DAB2IP: variants seen among roughly 807,000 people sequenced by gnomAD.
DAB2IP encodes disabled homolog 2-interacting protein.
A neutral mutation model predicts 107.2 loss-of-function variants in DAB2IP; 28 were observed. The ratio of observed to expected loss-of-function variants is 0.26; its 90% CI spans 0.19 to 0.36. The LOEUF is 0.36. Among genes scored for constraint, DAB2IP ranks in the 10% least tolerant of loss-of-function variants. The pLI, the probability that DAB2IP is intolerant of heterozygous loss-of-function variation, is 1.00. For synonymous variants in DAB2IP, 755 were observed against 706.4 expected (o/e 1.07, Z -1.09); for missense variants, 1,400 against 1,644.7 (o/e 0.85, Z 2.57).
Position 121,772,509 on chromosome 9 carries a change from C to A in DAB2IP, c.2079-98C>A. The A allele has an allele frequency of 1.5e-6, 2 of 1,367,168 alleles. No homozygotes were observed. The highest frequency in any genetic ancestry group is 2.0e-5 in the Admixed American group (1 of 49,926). The allele number at this position is 1,367,168 out of a possible 1,614,324, so 84.7% of individuals were successfully genotyped here. A position where few individuals can be genotyped will look rare whatever the true frequency, so the allele number is the denominator to read the frequency against. On this transcript the variant is annotated intron_variant, in intron 11 of 15. Transcript: ENST00000408936. This position sits in a 1 kb window ranked among gnomAD's most constrained non-coding sequence, Gnocchi z 4.7. Reference sequence around the variant, plus strand: ...AGCGCTGGCTCAGGCTGCCAGGCCCCGGCAGGTTGGCGGGTGCTGTCGGTT... The same window carrying A: ...AGCGCTGGCTCAGGCTGCCAGGCCCAGGCAGGTTGGCGGGTGCTGTCGGTT...
chr9:121,680,935 G>T (rs1828564134), intron 2 of DAB2IP, among the ~76,000 whole-genome samples: 1 of 151,880 alleles, frequency 6.6e-6, no homozygotes, highest in East Asian at 1.9e-4. Flanking sequence ...TAGAGACGGG[G>T]TTTCACCATG....
At chr9:121,682,836 T>C (rs2051053) in intron 2 of DAB2IP, among the ~76,000 whole-genome samples, 95,408 of 151,972 alleles carry the variant, frequency 0.63, 31,344 homozygotes, top group African/African-American at 0.83. Flanking sequence ...CTTTTCTGCC[T>C]ATCTGGGACA....
intron 1 of DAB2IP, among the ~76,000 whole-genome samples, chr9:121,578,135 C>T (rs1170289898): frequency 6.6e-6 from 1 of 152,076 alleles, no homozygotes; most frequent in African/African-American, 2.4e-5. Flanking sequence ...GTGGCTGTCC[C>T]CCAAACCCTT....
At chr9:121,718,634 ACT>A (rs1203840587) in intron 3 of DAB2IP, among the ~76,000 whole-genome samples, 4 of 152,210 alleles carry the variant, frequency 2.6e-5, no homozygotes, top group African/African-American at 9.7e-5. Flanking sequence ...AACTTAGCTA[ACT>A]CTGCAAAATG....
chr9:121,728,528 G>A lies in DAB2IP; in HGVS notation c.363-28485G>A, dbSNP rs138318800. On this transcript the variant is annotated intron_variant, in intron 3 of 15. Transcript: ENST00000408936. ...ATATGCCTGCCAATAGGGAACTCAC[G>A]GGTCTTATTAATGCTACTGAGATCC... is the stretch of plus-strand genomic sequence containing the variant. Among the ~76,000 whole-genome samples the A allele has an allele frequency of 7.2e-5, 11 of 152,258 alleles. 1 individual carries two copies. The East Asian group carries it at 1.9e-3, about 27-fold the overall frequency.
rs1467997535 is a variant in DAB2IP at position 121,678,847 on chromosome 9, CT to C, written c.228+67del. 16 of 1,388,610 alleles carry C rather than the reference CT, an allele frequency of 1.2e-5. No individual in the cohort carries two copies. In the African/African-American group the frequency reaches 2.1e-4, roughly 18 times the overall value. 86.0% of individuals were successfully genotyped at this position (1,388,610 alleles called of 1,614,324 possible). On this transcript the variant is annotated intron_variant, in intron 2 of 15. Coordinates refer to ENST00000408936, the Ensembl canonical transcript of DAB2IP. ...CATCACCACCTCGCCCGGGGTGCTG[CT>C]CTGTGACCCCACGGCCCCCCTTCCT...
intron 1 of DAB2IP, among the ~76,000 whole-genome samples, chr9:121,590,781 C>T (rs1157953421): frequency 6.6e-6 from 1 of 152,138 alleles, no homozygotes; most frequent in Non-Finnish European, 1.5e-5. Flanking sequence ...TCATTGAGCA[C>T]CTACTACATG....
chr9:121,774,365 C>G lies in DAB2IP; in HGVS notation c.3073C>G (p.His1025Asp), dbSNP rs138053639. 135 of 1,612,784 alleles carry G rather than the reference C, an allele frequency of 8.4e-5. No individual in the cohort carries two copies. Among genetic ancestry groups the G allele is most frequent in the Middle Eastern group, 3.3e-4 (2 of 6,078 alleles). The change falls in exon 13 of 16, where the codon CAC (histidine) becomes GAC (aspartate). Residue 1025 changes from histidine (H) to aspartate (D), a missense_variant. Physicochemically the swap from His to Asp is moderately conservative, Grantham distance 81 (BLOSUM62 -1). Around this residue, in one of 3 missense-constraint regions of DAB2IP, gnomAD observed 600 missense variants for 659.1 expected, o/e 0.91. Transcript: ENST00000408936. ...CGAGGGCCTGGGCCCAGACCCCCCC[C>G]ACAGGGATAGGCTAAGGAGTAAGGA...
In DAB2IP at chr9:121,641,909, CTT is replaced by C. The variant is rs747367164; in HGVS notation, c.41-36767_41-36766del. Among the ~76,000 whole-genome samples the C allele has an allele frequency of 6.6e-3, 865 of 131,532 alleles. 4 individuals carry two copies. Among genetic ancestry groups the C allele is most frequent in the African/African-American group, 0.023 (751 of 32,348 alleles). The allele number at this position is 131,532 out of a possible 152,430, so 86.3% of individuals were successfully genotyped here. On this transcript the variant is annotated intron_variant, in intron 1 of 16. Transcript: ENST00000259371. Reference sequence around the variant, plus strand: ...TTTCTTTCCCTTTCTTTCTTTCTTTCTTTCTTTCTTTCTTTCTTTCTTTCTTT... The same window carrying C: ...TTTCTTTCCCTTTCTTTCTTTCTTTCTCTTTCTTTCTTTCTTTCTTTCTTT...
intron 3 of DAB2IP, among the ~76,000 whole-genome samples, chr9:121,721,820 C>T (rs1830952354): frequency 6.6e-6 from 1 of 152,150 alleles, no homozygotes; most frequent in African/African-American, 2.4e-5. Flanking sequence ...CAAGGTCTTC[C>T]TGGGGAGGGG....
chr9:121,589,388 T>A (rs1452947669), intron 1 of DAB2IP, among the ~76,000 whole-genome samples: 1 of 152,176 alleles, frequency 6.6e-6, no homozygotes, highest in Non-Finnish European at 1.5e-5. Flanking sequence ...TGTTTCATGG[T>A]GCCATGTTTT....
At chr9:121,627,729 G>T (rs756635538) in intron 1 of DAB2IP, among the ~76,000 whole-genome samples, 13 of 152,168 alleles carry the variant, frequency 8.5e-5, no homozygotes, top group Non-Finnish European at 1.3e-4. Context: ...TTTTCTCAGT[G>T]CTGCCTTGCA....
In DAB2IP at chr9:121,782,510, A is replaced by G; in HGVS notation, c.*12A>G. 6.2e-7 allele frequency: 1 copy of G among 1,612,674 alleles called. No individual in the cohort carries two copies. The highest frequency in any genetic ancestry group is 1.1e-5 in the South Asian group (1 of 90,984). ...GCAGCAATTGTTAACCTGCCTGAGG[A>G]GGGAGGAAGCTACCCAAGGAGAGGG... On this transcript the variant is annotated 3_prime_UTR_variant, in exon 16 of 16. Coordinates refer to ENST00000408936, the Ensembl canonical transcript of DAB2IP. This position sits in a 1 kb window ranked among gnomAD's most constrained non-coding sequence, Gnocchi z 6.1.
intron 2 of DAB2IP, among the ~76,000 whole-genome samples, chr9:121,685,120 G>A (rs1828803769): frequency 6.6e-6 from 1 of 152,168 alleles, no homozygotes; most frequent in Non-Finnish European, 1.5e-5. Flanking sequence ...GGTGGTGGAA[G>A]AGCAAACCCT....
At chr9:121,593,719 G>A (rs1304314223) in intron 1 of DAB2IP, among the ~76,000 whole-genome samples, 2 of 137,398 alleles carry the variant, frequency 1.5e-5, no homozygotes, top group Non-Finnish European at 3.0e-5. Flanking sequence ...CCAGGCTGGA[G>A]TGCAGTGGCA....
At chr9:121,678,739 C>A in exon 2 of DAB2IP, 2 of 1,599,768 alleles carry the variant, frequency 1.3e-6, no homozygotes, top group Non-Finnish European at 1.7e-6. Flanking sequence ...CCGAGAAGAG[C>A]CCCAGCATGG....
intron 1 of DAB2IP, among the ~76,000 whole-genome samples, chr9:121,642,022 TCTCTCTC>T (rs1832352461): frequency 1.5e-4 from 5 of 33,620 alleles, no homozygotes; most frequent in African/African-American, 5.4e-4. Context: ...TCTCTCTCTC[TCTCTCTC>T]TCTTTCTTTC....
At chr9:121,783,368 C>T in exon 16 of DAB2IP, 4 of 1,508,916 alleles carry the variant, frequency 2.7e-6, no homozygotes, top group Admixed American at 2.1e-5. Flanking sequence ...TATCTGCCTT[C>T]TCCTGGGGCC....
At chr9:121,585,459 T>C (rs1380230155) in intron 1 of DAB2IP, among the ~76,000 whole-genome samples, 2 of 152,176 alleles carry the variant, frequency 1.3e-5, no homozygotes, top group Non-Finnish European at 2.9e-5. Context: ...ATTAAAGCAC[T>C]TAGAACAGGG....
Sources: gnomAD v4.1 joint callset for allele counts (sites outside exome capture counted in the v4.1 genomes callset) on GRCh38, gnomAD v4.1.1 for gene constraint, gnomAD v4.1.1 regional missense constraint, Gnocchi (gnomAD v3.1) non-coding constraint, MANE v1.5 for transcripts, NCBI Gene and HGNC (gene_info 2026-07-23, HGNC 2026-07-21) for gene names.